TXNL1: variants seen among roughly 807,000 people sequenced by gnomAD.
TXNL1 encodes the protein thioredoxin like 1, also known as thioredoxin-like protein 1.
In TXNL1, 14 loss-of-function variants were observed where a neutral mutation model predicts 35.5. That is an observed-to-expected ratio of 0.39 (90% confidence interval 0.26 to 0.62). TXNL1 has a LOEUF of 0.62. Among genes scored for constraint, TXNL1 ranks in the 20% least tolerant of loss-of-function variants. TXNL1 has a pLI of 0.47. For synonymous variants in TXNL1, 110 were observed against 115.5 expected (o/e 0.95, Z 0.31); for missense variants, 263 against 349.7 (o/e 0.75, Z 1.98).
intron 7 of TXNL1, among the ~76,000 whole-genome samples, chr18:56,605,713 C>G (rs981282200): frequency 2.1e-4 from 32 of 152,122 alleles, no homozygotes; most frequent in African/African-American, 5.8e-4. Context: ...ATAATCTGTG[C>G]GTGATGCCTA....
chr18:56,602,896 C>T lies in TXNL1; in HGVS notation c.*131G>A. The T allele has an allele frequency of 1.0e-6, 1 of 978,454 alleles. No homozygotes were observed. The highest frequency in any genetic ancestry group is 1.6e-6 in the Non-Finnish European group (1 of 627,072). 60.6% of individuals were successfully genotyped at this position (978,454 alleles called of 1,614,324 possible). A position where few individuals can be genotyped will look rare whatever the true frequency, so the allele number is the denominator to read the frequency against. ...ATTACAATGGAAACACTAGTGATAC[C>T]ATCTGAACAAAAGCAATGATTTATT... On this transcript the variant is annotated 3_prime_UTR_variant, in exon 8 of 8. Transcript: ENST00000217515.
intron 3 of TXNL1, among the ~76,000 whole-genome samples, chr18:56,621,498 C>T (rs1178079925): frequency 1.3e-5 from 2 of 152,014 alleles, no homozygotes; most frequent in Non-Finnish European, 2.9e-5. Context: ...GCCCAGCCCA[C>T]AAAACATATT....
chr18:56,634,302 G>C (rs2024422687), intron 1 of TXNL1, among the ~76,000 whole-genome samples: 1 of 152,126 alleles, frequency 6.6e-6, no homozygotes, highest in African/African-American at 2.4e-5. Context: ...TTTCTCCTTA[G>C]GCTGGAAAGA....
At chr18:56,638,148 G>A (rs2024486683) in intron 1 of TXNL1, among the ~76,000 whole-genome samples, 195 bp downstream of exon 1, 1 of 152,210 alleles carries the variant, frequency 6.6e-6, no homozygotes, top group African/African-American at 2.4e-5. Flanking sequence ...AGGCCCCCGA[G>A]CCCGTCTAGG....
intron 3 of TXNL1, among the ~76,000 whole-genome samples, chr18:56,620,673 C>G (rs991709142): frequency 1.3e-5 from 2 of 152,098 alleles, no homozygotes; most frequent in South Asian, 4.1e-4. Flanking sequence ...TCAAGTCTAC[C>G]AAGTATTATA....
At chr18:56,636,758 A>G (rs541170599) in intron 1 of TXNL1, among the ~76,000 whole-genome samples, 121 of 152,224 alleles carry the variant, frequency 7.9e-4, no homozygotes, top group African/African-American at 2.8e-3. Flanking sequence ...TCCCACTGCT[A>G]TGGTAAGGGA....
intron 7 of TXNL1, chr18:56,604,413 ACAG>A (rs1222035135): frequency 1.3e-5 from 2 of 152,250 alleles, no homozygotes; most frequent in African/African-American, 4.8e-5. Flanking sequence ...CAGATGTGAT[ACAG>A]AAGACACAAA....
chr18:56,606,158 C>T (rs551310011), intron 7 of TXNL1, among the ~76,000 whole-genome samples: 12 of 152,206 alleles, frequency 7.9e-5, no homozygotes, highest in African/African-American at 2.2e-4. Flanking sequence ...GGCGGATCAA[C>T]GAGGTCAGGA....
chr18:56,603,297 T>TA (rs887046604), intron 7 of TXNL1, among the ~76,000 whole-genome samples: 5 of 150,984 alleles, frequency 3.3e-5, no homozygotes, highest in Admixed American at 1.3e-4. Flanking sequence ...TTTTTTTTTT[T>TA]AAATAGCAAT....
At chr18:56,633,050 T>A (rs1430502971) in intron 1 of TXNL1, among the ~76,000 whole-genome samples, 3 of 152,202 alleles carry the variant, frequency 2.0e-5, no homozygotes, top group African/African-American at 4.8e-5. Flanking sequence ...ACATCCTTCT[T>A]AGATTGTAAC....
Position 56,606,356 on chromosome 18 carries a change from A to G in TXNL1, c.841-3300T>C, listed in dbSNP as rs184677446. On this transcript the variant is annotated intron_variant, in intron 7 of 7. Coordinates refer to ENST00000217515, the MANE Select transcript of TXNL1 (RefSeq NM_004786.3). ...CACACCACTGCACTCCAGCCTGGAC[A>G]ACAGAGCAAGACTCCGTCTCAAAAA... 2.2e-3 allele frequency among the ~76,000 whole-genome samples: 329 copies of G among 152,302 alleles called. 2 individuals are homozygous for G. The highest frequency in any genetic ancestry group is 0.014 in the Middle Eastern group (4 of 294).
chr18:56,612,005 C>T (rs996402354), intron 6 of TXNL1, among the ~76,000 whole-genome samples: 25 of 148,000 alleles, frequency 1.7e-4, no homozygotes, highest in East Asian at 7.9e-4. Context: ...CATGCTGCCA[C>T]GCCCGGCTAA....
At position 56,602,908 on chromosome 18, in the gene TXNL1, A is replaced by G; in HGVS notation, c.*119T>C. On this transcript the variant is annotated 3_prime_UTR_variant, in exon 8 of 8. Transcript: ENST00000217515. The stretch of plus-strand genomic sequence containing the variant: ...ACACTAGTGATACCATCTGAACAAA[A>G]GCAATGATTTATTGGTAATGGCAAT... 3.7e-6 allele frequency: 4 copies of G among 1,091,338 alleles called. No individual in the cohort carries two copies. The highest frequency in any genetic ancestry group is 5.6e-6 in the Non-Finnish European group (4 of 718,912). The allele number at this position is 1,091,338 out of a possible 1,614,324, so 67.6% of individuals were successfully genotyped here. A position where few individuals can be genotyped will look rare whatever the true frequency, so the allele number is the denominator to read the frequency against.
intron 1 of TXNL1, 119 bp downstream of exon 1, chr18:56,638,224 C>T: frequency 9.7e-7 from 1 of 1,030,982 alleles, no homozygotes; most frequent in South Asian, 1.7e-5. Context: ...GCTCCTGGGG[C>T]TGCGGCGACT....
At chr18:56,615,837 C>T (rs552643659) in intron 5 of TXNL1, among the ~76,000 whole-genome samples, 38 of 152,250 alleles carry the variant, frequency 2.5e-4, no homozygotes, top group African/African-American at 8.4e-4. Flanking sequence ...CATCTTGCTT[C>T]GTTCCAAAAC....
intron 7 of TXNL1, among the ~76,000 whole-genome samples, chr18:56,607,092 C>T (rs180730639): frequency 3.3e-5 from 5 of 151,912 alleles, no homozygotes; most frequent in Admixed American, 6.6e-5. Context: ...AGGGTTCAAG[C>T]GATCTTCCCA....
rs1027510888 is a variant in TXNL1, at chr18:56,598,252, A to G, written c.*4775T>C. The G allele has an allele frequency of 6.6e-6, 1 of 152,228 alleles. No individual in the cohort carries two copies. 9.4% of individuals were successfully genotyped at this position (152,228 alleles called of 1,614,324 possible). A position where few individuals can be genotyped will look rare whatever the true frequency, so the allele number is the denominator to read the frequency against. The stretch of plus-strand genomic sequence containing the variant: ...AAACCAAATAAACTGGCTTAATACT[A>G]GAGACAAAATACTTGTATTACAGCT... On this transcript the variant is annotated 3_prime_UTR_variant, in exon 8 of 8. Coordinates refer to ENST00000217515, the MANE Select transcript of TXNL1 (RefSeq NM_004786.3).
At chr18:56,612,013 T>TC (rs1487231125) in intron 6 of TXNL1, among the ~76,000 whole-genome samples, 2 of 132,930 alleles carry the variant, frequency 1.5e-5, no homozygotes, top group Non-Finnish European at 3.1e-5. Flanking sequence ...CACGCCCGGC[T>TC]AATCTTTTTT....
chr18:56,629,704 TGAG>T (rs1234481639), intron 1 of TXNL1, among the ~76,000 whole-genome samples: 1 of 152,160 alleles, frequency 6.6e-6, no homozygotes, highest in African/African-American at 2.4e-5. Context: ...TTAAATGAGT[TGAG>T]AAGAATTTAG....
Sources: allele counts gnomAD v4.1 joint callset (sites outside exome capture counted in the v4.1 genomes callset), GRCh38; gene constraint gnomAD v4.1.1; transcripts MANE v1.5; gene names NCBI Gene and HGNC (gene_info 2026-07-23, HGNC 2026-07-21).